The following JRK variants were observed in gnomAD, a reference collection of about 807,000 sequenced individuals.
The protein encoded by JRK is Jrk helix-turn-helix protein.
For missense variants in JRK, 720 were observed against 509.2 expected, an observed-to-expected ratio of 1.41 and a Z score of -3.98; for synonymous variants, 303 against 218.1, an observed-to-expected ratio of 1.39 and a Z score of -3.43.
rs782043723 is a variant in JRK, at chr8:142,658,954, C to A, written c.*5398G>T. On this transcript the variant is annotated 3_prime_UTR_variant, in exon 2 of 2. Transcript: ENST00000612905. Reference sequence around the variant, plus strand: ...CAAGGCCCACAGTCTCCTGAAACAACAGAACTTTGCTGCTTCATGGAGGAG... The same window carrying A: ...CAAGGCCCACAGTCTCCTGAAACAAAAGAACTTTGCTGCTTCATGGAGGAG... The A allele has an allele frequency of 5.0e-6, 8 of 1,611,820 alleles. No homozygotes were observed. The Admixed American group carries it at 6.7e-5, about 13-fold the overall frequency.
the JRK span, among the ~76,000 whole-genome samples, chr8:142,644,522 AT>A: frequency 6.6e-6 from 1 of 152,160 alleles, no homozygotes; most frequent in Non-Finnish European, 1.5e-5. Context: ...AAATTATGTC[AT>A]TTTTGGACTG....
chr8:142,666,453 T>G lies in JRK; in HGVS notation c.-395A>C. ...GACCAGGTTTGGGGTGGTAGAGGTT[T>G]TACCGCATAAGCAGCAGGTGCCTCT... On this transcript the variant is annotated 5_prime_UTR_variant, in exon 2 of 2. It removes the in-frame stop codon of an upstream open reading frame in the 5' UTR. Transcript: ENST00000612905. 1 of 346,058 alleles carries G rather than the reference T, an allele frequency of 2.9e-6. No homozygotes were observed. Among genetic ancestry groups the G allele is most frequent in the Non-Finnish European group, 5.8e-6 (1 of 171,640 alleles). 21.4% of individuals were successfully genotyped at this position (346,058 alleles called of 1,614,324 possible).
At position 142,666,318 on chromosome 8, in the gene JRK, C is replaced by T. The variant is rs1847127351; in HGVS notation, c.-260G>A. ...TGGCTCCTGGCAGTGCAGTCAGCTG[C>T]CAATTCTCTCTGTGGAGGAGGTGAC... On this transcript the variant is annotated 5_prime_UTR_variant, in exon 2 of 2. Transcript: ENST00000612905. 1 of 590,300 alleles carries T rather than the reference C, an allele frequency of 1.7e-6. No homozygotes were observed. Among genetic ancestry groups the T allele is most frequent in the African/African-American group, 1.9e-5 (1 of 53,354 alleles). 36.6% of individuals were successfully genotyped at this position (590,300 alleles called of 1,614,324 possible). A position where few individuals can be genotyped will look rare whatever the true frequency, so the allele number is the denominator to read the frequency against.
In JRK at chr8:142,664,639, C is replaced by T. The variant is rs782736860; in HGVS notation, c.1420G>A (p.Asp474Asn). The T allele has an allele frequency of 1.9e-6, 3 of 1,611,622 alleles. No individual in the cohort carries two copies. The highest frequency in any genetic ancestry group is 1.1e-5 in the South Asian group (1 of 90,636). ...CCCTCACCAGGATCTCCTCTGCCGT[C>T]CTGGTCAGCTTTCGGAGTCTTTTCT... ...SSEKTPKADQ[D>N]GRGDPGEGEE... The change falls in exon 2 of 2, where the codon GAC becomes AAC. Residue 474 changes from aspartate (D) to asparagine (N), a missense_variant. By Grantham distance (23) the Asp-to-Asn change is conservative. Transcript: ENST00000612905.
In JRK at chr8:142,664,447, C is replaced by A. The variant is rs1286471776; in HGVS notation, c.1612G>T (p.Val538Leu). ...TCCTGGAGGGCTTCAACCTTGACCA[C>A]AGCCCCGAGGGCACCACGCCGCCTC... The part of the protein sequence containing the change: ...VRRRRGALGA[V>L]VKVEALQEGP... The change falls in exon 2 of 2, where the codon GTG becomes TTG. Residue 538 changes from valine to leucine, a missense_variant. Val to Leu is a conservative substitution (Grantham distance 32, BLOSUM62 1). Transcript: ENST00000612905. The A allele has an allele frequency of 6.2e-7, 1 of 1,611,612 alleles. No individual in the cohort carries two copies. Among genetic ancestry groups the A allele is most frequent in the Admixed American group, 1.7e-5 (1 of 59,874 alleles).
Position 142,663,778 on chromosome 8 carries a change from A to C in JRK, c.*574T>G. 5 of 985,648 alleles carry C rather than the reference A, an allele frequency of 5.1e-6. No homozygotes were observed. Among genetic ancestry groups the C allele is most frequent in the Non-Finnish European group, 6.0e-6 (5 of 830,110 alleles). The allele number at this position is 985,648 out of a possible 1,614,324, so 61.1% of individuals were successfully genotyped here. A position where few individuals can be genotyped will look rare whatever the true frequency, so the allele number is the denominator to read the frequency against. On this transcript the variant is annotated 3_prime_UTR_variant, in exon 2 of 2. Coordinates refer to ENST00000612905, the MANE Select transcript of JRK (RefSeq NM_003724.4). ...TGAATGAGGCCACAACTGAAGTGAG[A>C]TGTGCGGCCTGTTCAGCCGCTAGCA...
Position 142,661,472 on chromosome 8 carries a change from GTTC to G in JRK, c.*2877_*2879del. ...AAGATGAAGGCAGTGGTGGAAAGAG[GTTC>G]TATTAGCAGGCTGGAAGCAGCCACA... On this transcript the variant is annotated 3_prime_UTR_variant, in exon 2 of 2. Transcript: ENST00000612905. 1 of 985,532 alleles carries G rather than the reference GTTC, an allele frequency of 1.0e-6. No individual in the cohort carries two copies. Among genetic ancestry groups the G allele is most frequent in the Non-Finnish European group, 1.2e-6 (1 of 830,018 alleles). The allele number at this position is 985,532 out of a possible 1,614,324, so 61.0% of individuals were successfully genotyped here.
intron 1 of JRK, among the ~76,000 whole-genome samples, chr8:142,669,214 G>T (rs913771741): frequency 2.0e-5 from 3 of 149,366 alleles, no homozygotes; most frequent in Admixed American, 1.3e-4. Context: ...GTGTGTGTTG[G>T]GGGGTATGGA....
chr8:142,660,141 C>G lies in JRK; in HGVS notation c.*4211G>C, dbSNP rs1246247376. 1 of 983,714 alleles carries G rather than the reference C, an allele frequency of 1.0e-6. No homozygotes were observed. Among genetic ancestry groups the G allele is most frequent in the Non-Finnish European group, 1.2e-6 (1 of 830,028 alleles). The allele number at this position is 983,714 out of a possible 1,614,324, so 60.9% of individuals were successfully genotyped here. A position where few individuals can be genotyped will look rare whatever the true frequency, so the allele number is the denominator to read the frequency against. Reference sequence around the variant, plus strand: ...AGAGGACAAACAAGGTCTCACAGGTCCATTCTCCCCAGCCTCCCAGTAGGC... The same window carrying G: ...AGAGGACAAACAAGGTCTCACAGGTGCATTCTCCCCAGCCTCCCAGTAGGC... On this transcript the variant is annotated 3_prime_UTR_variant, in exon 2 of 2. Coordinates refer to ENST00000612905, the MANE Select transcript of JRK (RefSeq NM_003724.4).
At chr8:142,668,011 A>G (rs587613291) in intron 1 of JRK, among the ~76,000 whole-genome samples, 120 of 152,294 alleles carry the variant, frequency 7.9e-4, no homozygotes, top group African/African-American at 2.8e-3. Flanking sequence ...GAGGGCTGAA[A>G]AGCTGTTTGC....
rs781972630 is a variant in JRK at position 142,666,065 on chromosome 8, G to A, written c.-7C>T. The A allele has an allele frequency of 4.4e-6, 7 of 1,605,534 alleles. No homozygotes were observed. The South Asian group carries it at 4.5e-5, about 10-fold the overall frequency. On this transcript the variant is annotated 5_prime_UTR_variant, in exon 2 of 2. Coordinates refer to ENST00000612905, the MANE Select transcript of JRK (RefSeq NM_003724.4). ...CAGCCGGCTTGGAGGCCATGGGGAG[G>A]GGTGGCTGGTCCTAGCACTTGCAGG...
In JRK at chr8:142,663,277, C is replaced by T. The variant is rs587626132; in HGVS notation, c.*1075G>A. 113 of 985,432 alleles carry T rather than the reference C, an allele frequency of 1.1e-4. No homozygotes were observed. In the Admixed American group the frequency reaches 2.5e-3, roughly 22 times the overall value. The allele number at this position is 985,432 out of a possible 1,614,324, so 61.0% of individuals were successfully genotyped here. ...AGTGTTGCCCGTGAAATGGAGATGC[C>T]GCAAAGCAACTACAGACATGGAGAA... On this transcript the variant is annotated 3_prime_UTR_variant, in exon 2 of 2. Coordinates refer to ENST00000612905, the MANE Select transcript of JRK (RefSeq NM_003724.4).
chr8:142,667,532 A>C (rs1400370658), intron 1 of JRK, among the ~76,000 whole-genome samples: 1 of 152,160 alleles, frequency 6.6e-6, no homozygotes, highest in African/African-American at 2.4e-5. Flanking sequence ...GCTAGCCCAG[A>C]GCAGGAACTT....
downstream of JRK, among the ~76,000 whole-genome samples, chr8:142,653,713 G>GGACCAGCA (rs1164539633): frequency 3.9e-5 from 6 of 152,028 alleles, no homozygotes; most frequent in African/African-American, 1.4e-4. Flanking sequence ...GGCTCTACCG[G>GGACCAGCA]GACCAGCAGA....
chr8:142,664,641 T>C lies in JRK; in HGVS notation c.1418A>G (p.Gln473Arg). 6.2e-7 allele frequency: 1 copy of C among 1,611,580 alleles called. No homozygotes were observed. Among genetic ancestry groups the C allele is most frequent in the East Asian group, 2.2e-5 (1 of 44,842 alleles). The change falls in exon 2 of 2, where the codon CAG becomes CGG. Residue 473 changes from glutamine (Q) to arginine (R), a missense_variant. By Grantham distance (43) the Gln-to-Arg change is conservative. Transcript: ENST00000612905. The part of the protein sequence containing the change: ...WSSEKTPKAD[Q>R]DGRGDPGEGE... ...CTCACCAGGATCTCCTCTGCCGTCC[T>C]GGTCAGCTTTCGGAGTCTTTTCTGA...
chr8:142,666,611 G>A (rs1847135649), intron 1 of JRK, 91 bp from the exon 2 acceptor site: 1 of 193,844 alleles, frequency 5.2e-6, no homozygotes, highest in East Asian at 1.2e-4. Context: ...GGACACTCCA[G>A]CTGAAACTCA....
Position 142,661,904 on chromosome 8 carries a change from G to T in JRK, c.*2448C>A. The T allele has an allele frequency of 2.0e-6, 2 of 985,594 alleles. No individual in the cohort carries two copies. Among genetic ancestry groups the T allele is most frequent in the Non-Finnish European group, 1.2e-6 (1 of 830,030 alleles). 61.1% of individuals were successfully genotyped at this position (985,594 alleles called of 1,614,324 possible). On this transcript the variant is annotated 3_prime_UTR_variant, in exon 2 of 2. Coordinates refer to ENST00000612905, the MANE Select transcript of JRK (RefSeq NM_003724.4). ...TCTCCATAAAGCGTTCTGGGGGACAGGACCGAGGCAAGAGGTATGCACCAG... is the reference window on the plus strand; with the variant it reads ...TCTCCATAAAGCGTTCTGGGGGACATGACCGAGGCAAGAGGTATGCACCAG...
At position 142,659,228 on chromosome 8, in the gene JRK, A is replaced by AC; in HGVS notation, c.*5123dup. The AC allele has an allele frequency of 8.9e-7, 1 of 1,125,516 alleles. No individual in the cohort carries two copies. Among genetic ancestry groups the AC allele is most frequent in the Non-Finnish European group, 1.1e-6 (1 of 915,606 alleles). The allele number at this position is 1,125,516 out of a possible 1,614,324, so 69.7% of individuals were successfully genotyped here. Reference sequence around the variant, plus strand: ...ACACATCAGAAATAGGGAACCCAAGACCTCGAGAGAGGAAATGGGCCCAGG... The same window carrying AC: ...ACACATCAGAAATAGGGAACCCAAGACCCTCGAGAGAGGAAATGGGCCCAGG... On this transcript the variant is annotated 3_prime_UTR_variant, in exon 2 of 2. Coordinates refer to ENST00000612905, the MANE Select transcript of JRK (RefSeq NM_003724.4).
At chr8:142,646,485 A>G in the JRK span, among the ~76,000 whole-genome samples, 5 of 152,202 alleles carry the variant, frequency 3.3e-5, no homozygotes, top group Admixed American at 1.3e-4. Flanking sequence ...CACAAGCAAA[A>G]AATCATTGTT....
Sources: allele counts gnomAD v4.1 joint callset (sites outside exome capture counted in the v4.1 genomes callset), GRCh38; gene constraint gnomAD v4.1.1; transcripts MANE v1.5; gene names NCBI Gene and HGNC (gene_info 2026-07-23, HGNC 2026-07-21).